The following NRXN1 variants were observed in gnomAD, a reference collection of about 807,000 sequenced individuals.
The protein encoded by NRXN1 is neurexin 1.
NRXN1 carries 39 observed loss-of-function variants against 150.9 expected under a neutral mutation model. The ratio of observed to expected loss-of-function variants is 0.26; its 90% CI spans 0.20 to 0.34. NRXN1 has a LOEUF of 0.34. NRXN1 is among the 10% of genes least tolerant of loss of function. NRXN1 has a pLI of 1.00. For synonymous variants in NRXN1, 924 were observed against 757.0 expected, an observed-to-expected ratio of 1.22 and a Z score of -3.62; for missense variants, 1,815 against 1,949.9, an observed-to-expected ratio of 0.93 and a Z score of 1.30.
intron 17 of NRXN1, among the ~76,000 whole-genome samples, chr2:50,392,517 T>C (rs188691365): frequency 7.9e-5 from 12 of 152,248 alleles, no homozygotes; most frequent in African/African-American, 2.6e-4. Context: ...AAGAGATGTC[T>C]TTTACAAAGA....
intron 5 of NRXN1, among the ~76,000 whole-genome samples, chr2:50,653,510 T>C (rs1007632531): frequency 5.3e-5 from 8 of 152,082 alleles, no homozygotes; most frequent in African/African-American, 1.9e-4. Flanking sequence ...TAGGTTACAA[T>C]TCACTATGTC....
intron 18 of NRXN1, among the ~76,000 whole-genome samples, chr2:50,216,530 G>T (rs572015590): frequency 2.6e-5 from 4 of 151,950 alleles, no homozygotes; most frequent in South Asian, 2.1e-4. Context: ...TACACCAAAT[G>T]AAGAGATTCT....
chr2:50,512,843 A>C (rs991104899), intron 12 of NRXN1, among the ~76,000 whole-genome samples: 1 of 152,184 alleles, frequency 6.6e-6, no homozygotes, highest in Non-Finnish European at 1.5e-5. Context: ...ACAATTTACA[A>C]AGAACCTCAC....
intron 12 of NRXN1, among the ~76,000 whole-genome samples, chr2:50,514,244 A>T (rs2092559786): frequency 6.6e-6 from 1 of 152,188 alleles, no homozygotes. Flanking sequence ...GAATCACCTT[A>T]TATGTATAAA....
At chr2:49,953,282 C>T (rs1490443322) in intron 21 of NRXN1, among the ~76,000 whole-genome samples, 1 of 152,056 alleles carries the variant, frequency 6.6e-6, no homozygotes, top group African/African-American at 2.4e-5. Flanking sequence ...CTGCATGCCC[C>T]CAAATAAGCC....
intron 5 of NRXN1, among the ~76,000 whole-genome samples, chr2:50,874,474 C>T (rs546307369): frequency 2.7e-4 from 41 of 151,830 alleles, no homozygotes; most frequent in African/African-American, 9.6e-4. Flanking sequence ...GGGGAGACTT[C>T]AGGATTCTTT....
At chr2:50,434,776 C>A (rs947269567) in intron 17 of NRXN1, among the ~76,000 whole-genome samples, 1 of 152,148 alleles carries the variant, frequency 6.6e-6, no homozygotes, top group African/African-American at 2.4e-5. Flanking sequence ...CTCTTCAGAA[C>A]TTTCTCACTG....
At chr2:50,447,635 T>G (rs966580108) in intron 17 of NRXN1, among the ~76,000 whole-genome samples, 1 of 145,718 alleles carries the variant, frequency 6.9e-6, no homozygotes, top group Non-Finnish European at 1.5e-5. Context: ...TAATCAGAAA[T>G]CTCACTTGGT....
In NRXN1 at chr2:50,447,737, T is replaced by TTATATATATATA. The variant is rs70948710; in HGVS notation, c.3364+17693_3364+17704dup. ...AAATCACATAGTAAGCAGGGGAACG[T>TTATATATATATA]TATATATATATATATATATATATAT... On this transcript the variant is annotated intron_variant, in intron 17 of 22. Transcript: ENST00000401669. 6.8e-3 allele frequency among the ~76,000 whole-genome samples: 258 copies of TTATATATATATA among 37,726 alleles called. 10 individuals carry two copies. Among genetic ancestry groups the TTATATATATATA allele is most frequent in the Non-Finnish European group, 8.4e-3 (194 of 22,988 alleles). 24.7% of individuals were successfully genotyped at this position (37,726 alleles called of 152,430 possible). A position where few individuals can be genotyped will look rare whatever the true frequency, so the allele number is the denominator to read the frequency against.
At chr2:50,670,561 A>G (rs886601795) in intron 5 of NRXN1, among the ~76,000 whole-genome samples, 15 of 151,950 alleles carry the variant, frequency 9.9e-5, no homozygotes, top group African/African-American at 3.6e-4. Context: ...AAAGAAACTA[A>G]CATGGATTCA....
At chr2:50,441,299 C>G (rs568458155) in intron 17 of NRXN1, among the ~76,000 whole-genome samples, 1 of 152,094 alleles carries the variant, frequency 6.6e-6, no homozygotes, top group East Asian at 1.9e-4. Flanking sequence ...ATTATTAGTT[C>G]TTTTTTACTT....
At chr2:50,856,248 A>C (rs567855996) in intron 5 of NRXN1, among the ~76,000 whole-genome samples, 33 of 152,094 alleles carry the variant, frequency 2.2e-4, no homozygotes, top group Admixed American at 1.2e-3. Flanking sequence ...TTTTAGAGTC[A>C]ACTATGGATG....
chr2:50,260,494 A>G (rs982994221), intron 17 of NRXN1, among the ~76,000 whole-genome samples: 1 of 151,756 alleles, frequency 6.6e-6, no homozygotes, highest in African/African-American at 2.4e-5. Context: ...CTGTTGTTCT[A>G]TTGGAATACA....
intron 2 of NRXN1, among the ~76,000 whole-genome samples, chr2:50,990,502 A>T (rs17573587): frequency 0.22 from 33,331 of 151,906 alleles, 4,029 homozygotes; most frequent in Non-Finnish European, 0.28. Context: ...CACATAGCTT[A>T]TTCTCTAGGG....
intron 17 of NRXN1, among the ~76,000 whole-genome samples, chr2:50,278,246 A>ATATATATAT (rs1182411713): frequency 2.5e-5 from 3 of 120,800 alleles, no homozygotes; most frequent in African/African-American, 6.5e-5. Context: ...TATATAATAT[A>ATATATATAT]TATATATATT....
intron 17 of NRXN1, among the ~76,000 whole-genome samples, chr2:50,323,064 G>C (rs2076153900): frequency 6.6e-6 from 1 of 152,150 alleles, no homozygotes; most frequent in African/African-American, 2.4e-5. Context: ...TCAGCTCATA[G>C]GTCATATCCT....
chr2:50,740,040 A>C (rs961879861), intron 5 of NRXN1, among the ~76,000 whole-genome samples: 1 of 152,140 alleles, frequency 6.6e-6, no homozygotes, highest in Non-Finnish European at 1.5e-5. Context: ...GATGCTTTGT[A>C]TATTTCTCAG....
intron 5 of NRXN1, among the ~76,000 whole-genome samples, chr2:50,805,826 T>C (rs67142559): frequency 6.6e-6 from 1 of 152,022 alleles, no homozygotes; most frequent in Non-Finnish European, 1.5e-5. Context: ...AATCCCCTGA[T>C]AGCTGGCATG....
intron 5 of NRXN1, among the ~76,000 whole-genome samples, chr2:50,696,856 T>G (rs1026182430): frequency 6.6e-6 from 1 of 152,214 alleles, no homozygotes; most frequent in Non-Finnish European, 1.5e-5. Context: ...TCCTAGACCA[T>G]GTAATCACAT....
Sources: gnomAD v4.1 joint callset for allele counts (sites outside exome capture counted in the v4.1 genomes callset) on GRCh38, gnomAD v4.1.1 for gene constraint, MANE v1.5 for transcripts, NCBI Gene and HGNC (gene_info 2026-07-23, HGNC 2026-07-21) for gene names.